Variants in KLF12 observed in about 807,000 individuals in gnomAD.
KLF12 encodes Krueppel-like factor 12.
A neutral mutation model predicts 37.8 loss-of-function variants in KLF12; 9 were observed. That is an observed-to-expected ratio of 0.24 (90% CI 0.14 to 0.42). The LOEUF (loss-of-function observed/expected upper bound fraction) is 0.42. Ranked by LOEUF, KLF12 falls within the 10% of genes least tolerant of loss-of-function variation. KLF12 has a pLI of 1.00. For missense variants in KLF12, 411 were observed against 516.0 expected (o/e 0.80, Z 1.97); for synonymous variants, 208 against 202.1 (o/e 1.03, Z -0.25).
rs749243357 is a variant in KLF12 at position 73,687,085 on chromosome 13, G to C, written c.*8405C>G. On this transcript the variant is annotated 3_prime_UTR_variant, in exon 8 of 8. Coordinates refer to ENST00000377669, the MANE Select transcript of KLF12 (RefSeq NM_007249.5). ...CAGGTGGGTATCTTAAAGGTGGTCT[G>C]TTCTCATCGTTTCACAACACAAAGT... is the stretch of plus-strand genomic sequence containing the variant. 2.0e-5 allele frequency: 3 copies of C among 152,560 alleles called. No homozygotes were observed. The highest frequency in any genetic ancestry group is 4.4e-5 in the Non-Finnish European group (3 of 68,028). 9.5% of individuals were successfully genotyped at this position (152,560 alleles called of 1,614,324 possible).
intron 2 of KLF12, among the ~76,000 whole-genome samples, chr13:73,959,566 T>C (rs1408586030): frequency 6.6e-6 from 1 of 151,290 alleles, no homozygotes; most frequent in Admixed American, 6.6e-5. Flanking sequence ...TAGATAAGGA[T>C]AAGTGACTTA....
At chr13:74,211,801 T>A in the KLF12 span, among the ~76,000 whole-genome samples, 10 of 152,170 alleles carry the variant, frequency 6.6e-5, no homozygotes, top group Non-Finnish European at 1.5e-5. Context: ...ACAAATGCAG[T>A]TTGGTCCAGA....
chr13:74,130,114 G>A (rs1272178870), intron 1 of KLF12, among the ~76,000 whole-genome samples: 1 of 152,236 alleles, frequency 6.6e-6, no homozygotes, highest in Non-Finnish European at 1.5e-5. Context: ...TGGGAGGAGT[G>A]GTTGTGGTAG....
chr13:74,184,182 A>AT, the KLF12 span, among the ~76,000 whole-genome samples: 1 of 152,216 alleles, frequency 6.6e-6, no homozygotes, highest in Non-Finnish European at 1.5e-5. Context: ...AATTATAAGC[A>AT]TAAAAGGTTT....
chr13:74,093,720 T>A lies in KLF12; in HGVS notation c.-32+40019A>T, dbSNP rs142610794. ...AGAATTGACTCCAAAAAGAAAAAAA[T>A]ATATATATAAATATATATAGTGAGA... On this transcript the variant is annotated intron_variant, in intron 1 of 7. Transcript: ENST00000377669. 6.6e-3 allele frequency among the ~76,000 whole-genome samples: 996 copies of A among 150,930 alleles called. 8 individuals are homozygous for A. The highest frequency in any genetic ancestry group is 0.019 in the African/African-American group (803 of 41,298).
chr13:73,703,026 C>T (rs1164912689), intron 7 of KLF12, among the ~76,000 whole-genome samples: 4 of 152,128 alleles, frequency 2.6e-5, no homozygotes, highest in Non-Finnish European at 2.9e-5. Flanking sequence ...TCTGAAAGAG[C>T]ACACAGCCAT....
At chr13:74,115,959 A>G (rs6562799) in intron 1 of KLF12, among the ~76,000 whole-genome samples, 114,033 of 152,008 alleles carry the variant, frequency 0.75, 44,700 homozygotes, top group East Asian at 0.94. Context: ...GGCAATATTC[A>G]CATATTCCCA....
intron 6 of KLF12, among the ~76,000 whole-genome samples, chr13:73,736,921 C>A (rs947121198): frequency 2.0e-5 from 3 of 152,170 alleles, no homozygotes; most frequent in South Asian, 2.1e-4. Context: ...AGTTTTTATT[C>A]AAAAAATTTA....
chr13:73,835,236 G>A (rs184286050), intron 4 of KLF12, among the ~76,000 whole-genome samples: 12 of 151,920 alleles, frequency 7.9e-5, no homozygotes, highest in Non-Finnish European at 1.6e-4. Context: ...GAAAATCCGG[G>A]GGCATGGAAG....
chr13:73,968,666 A>G (rs959612864), intron 2 of KLF12, among the ~76,000 whole-genome samples: 1 of 152,256 alleles, frequency 6.6e-6, no homozygotes, highest in Non-Finnish European at 1.5e-5. Flanking sequence ...TTTTGAAAAC[A>G]TAAGACACAG....
chr13:74,080,399 G>A (rs1456840452), intron 1 of KLF12, among the ~76,000 whole-genome samples: 1 of 152,078 alleles, frequency 6.6e-6, no homozygotes, highest in Non-Finnish European at 1.5e-5. Flanking sequence ...AGTGAGCTGT[G>A]ATCACACCAC....
chr13:73,744,841 T>C (rs1214273198), intron 6 of KLF12, among the ~76,000 whole-genome samples: 1 of 152,114 alleles, frequency 6.6e-6, no homozygotes, highest in Non-Finnish European at 1.5e-5. Flanking sequence ...ATTATTAGGG[T>C]TCATTAATTT....
chr13:74,294,251 G>C, the KLF12 span, among the ~76,000 whole-genome samples: 2 of 152,100 alleles, frequency 1.3e-5, no homozygotes, highest in East Asian at 3.9e-4. Flanking sequence ...TGTGTAGTAG[G>C]GAAGTCAGGG....
chr13:73,841,538 A>G (rs1884734138), intron 4 of KLF12, among the ~76,000 whole-genome samples: 1 of 152,140 alleles, frequency 6.6e-6, no homozygotes, highest in Non-Finnish European at 1.5e-5. Context: ...CTTTCCTTCT[A>G]TTAAATATTG....
intron 3 of KLF12, among the ~76,000 whole-genome samples, chr13:73,932,320 G>A (rs1439509848): frequency 6.6e-6 from 1 of 152,128 alleles, no homozygotes. Flanking sequence ...TAAGACAACA[G>A]AAAGGACTGA....
At chr13:74,263,848 C>T in the KLF12 span, among the ~76,000 whole-genome samples, 1 of 152,194 alleles carries the variant, frequency 6.6e-6, no homozygotes, top group Non-Finnish European at 1.5e-5. Context: ...ATTTAAAAAT[C>T]TTGTCCTTCA....
chr13:73,733,427 GTCTT>G (rs1366319818), intron 6 of KLF12, among the ~76,000 whole-genome samples: 3 of 151,934 alleles, frequency 2.0e-5, no homozygotes, highest in African/African-American at 7.3e-5. Context: ...ATGTCTGTCT[GTCTT>G]ATTTCACTTA....
At chr13:74,074,590 A>G (rs948905275) in intron 1 of KLF12, among the ~76,000 whole-genome samples, 2 of 151,762 alleles carry the variant, frequency 1.3e-5, no homozygotes, top group African/African-American at 4.8e-5. Context: ...TAAAGGCCCC[A>G]CCTCTTAATA....
chr13:73,711,201 T>C (rs1875371607), intron 7 of KLF12, among the ~76,000 whole-genome samples: 1 of 152,180 alleles, frequency 6.6e-6, no homozygotes, highest in Admixed American at 6.5e-5. Context: ...CTCCATAACA[T>C]ATAAGTGCAA....
Sources: allele counts gnomAD v4.1 joint callset (sites outside exome capture counted in the v4.1 genomes callset), GRCh38; gene constraint gnomAD v4.1.1; transcripts MANE v1.5; gene names NCBI Gene and HGNC (gene_info 2026-07-23, HGNC 2026-07-21).